The following GNL3L variants were observed in gnomAD, a reference collection of about 807,000 sequenced individuals.
GNL3L encodes G protein nucleolar 3 like.
A neutral mutation model predicts 42.9 loss-of-function variants in GNL3L; 4 were observed. The ratio of observed to expected loss-of-function variants is 0.09; its 90% CI spans 0.05 to 0.21. The LOEUF is 0.21. Ranked by LOEUF, GNL3L falls within the 10% of genes least tolerant of loss-of-function variation. The pLI is 1.00. For synonymous variants in GNL3L, 159 were observed against 176.3 expected, an observed-to-expected ratio of 0.90 and a Z score of 0.78; for missense variants, 412 against 481.7, an observed-to-expected ratio of 0.86 and a Z score of 1.36.
intron 16 of GNL3L, among the ~76,000 whole-genome samples, chrX:54,597,835 T>C (rs767841565): frequency 1.8e-5 from 2 of 110,877 alleles, no homozygotes; most frequent in Admixed American, 9.6e-5. Flanking sequence ...TAGGGTAGCA[T>C]TGAGTTCAAT....
the GNL3L span, among the ~76,000 whole-genome samples, chrX:54,640,250 A>AGAC: frequency 9.0e-5 from 10 of 111,559 alleles, no homozygotes; most frequent in Non-Finnish European, 1.3e-4. Context: ...CGGAAGGAAA[A>AGAC]GACTGAAAAA....
At chrX:54,541,705 G>A in intron 5 of GNL3L, among the ~76,000 whole-genome samples, 1 of 110,690 alleles carries the variant, frequency 9.0e-6, no homozygotes, top group African/African-American at 3.3e-5. Flanking sequence ...GGGGGAGAGG[G>A]AGCGAAAGTA....
intron 16 of GNL3L, among the ~76,000 whole-genome samples, chrX:54,591,965 A>G (rs1925877388): frequency 9.0e-6 from 1 of 111,725 alleles, no homozygotes; most frequent in Non-Finnish European, 1.9e-5. Context: ...ATATTTTTCA[A>G]TTTTTGGTGT....
intron 16 of GNL3L, among the ~76,000 whole-genome samples, chrX:54,575,778 C>T (rs1410653660): frequency 9.0e-6 from 1 of 111,177 alleles, no homozygotes; most frequent in Non-Finnish European, 1.9e-5. Context: ...GGCGTGGTGG[C>T]GCATGCCTGT....
chrX:54,538,968 C>T (rs1460247292), intron 2 of GNL3L, 72 bp from the exon 3 acceptor site: 2 of 621,484 alleles, frequency 3.2e-6, no homozygotes, highest in Non-Finnish European at 4.9e-6. Context: ...TGTGGCCTGG[C>T]CTTGATTCAG....
intron 7 of GNL3L, chrX:54,543,881 C>T (rs749281799): frequency 5.1e-5 from 9 of 177,011 alleles, no homozygotes; most frequent in Non-Finnish European, 9.4e-5. Flanking sequence ...GTCATTTGGC[C>T]CAACCTAGAA....
At chrX:54,568,553 CTTT>C (rs759337787), downstream of GNL3L, among the ~76,000 whole-genome samples, 7 of 99,979 alleles carry the variant, frequency 7.0e-5, no homozygotes. Flanking sequence ...TATGTAGTAT[CTTT>C]TTTTTTTTTT....
Position 54,560,648 on chromosome X carries a change from G to A in GNL3L, c.*46G>A, listed in dbSNP as rs190911542. The A allele has an allele frequency of 2.7e-5, 20 of 744,889 alleles. No individual in the cohort carries two copies. In the Admixed American group the frequency reaches 2.9e-4, roughly 11 times the overall value. The allele number at this position is 744,889 out of a possible 1,213,427, so 61.4% of individuals were successfully genotyped here. On this transcript the variant is annotated 3_prime_UTR_variant, in exon 16 of 16. Transcript: ENST00000360845. ...TCCGCTCCAAGCACCAGTTCCGGTG[G>A]TACGGGGGAATACCAGTGAAATAGT... is the stretch of plus-strand genomic sequence containing the variant.
intron 14 of GNL3L, among the ~76,000 whole-genome samples, chrX:54,555,633 ATTTTTTT>A (rs759334820): frequency 3.8e-4 from 25 of 66,379 alleles, no homozygotes; most frequent in South Asian, 2.0e-3. Flanking sequence ...ACCATGCCTA[ATTTTTTT>A]TTTTTTTTTT....
intron 12 of GNL3L, 126 bp from the exon 13 acceptor site, chrX:54,552,162 CTTGT>C: frequency 3.7e-6 from 3 of 819,054 alleles, no homozygotes; most frequent in Non-Finnish European, 5.4e-6. Flanking sequence ...TCAACTCCTT[CTTGT>C]TCAGAAGCCA....
At position 54,600,804 on chromosome X, in the gene GNL3L, G is replaced by C. The variant is rs149511464; in HGVS notation, c.*46-20041G>C. On this transcript the variant is annotated intron_variant, in intron 16 of 16. Transcript: ENST00000674498. ...AGCCATTTTAGAAAACAGTCTGGCA[G>C]TTCTCCAAAAAGAGGTACCATAAGT... Among the ~76,000 whole-genome samples the C allele has an allele frequency of 6.5e-3, 719 of 111,211 alleles. 6 individuals carry two copies. The highest frequency in any genetic ancestry group is 0.023 in the African/African-American group (699 of 30,629).
intron 13 of GNL3L, among the ~76,000 whole-genome samples, chrX:54,553,318 A>C (rs973901208): frequency 9.0e-6 from 1 of 111,646 alleles, no homozygotes; most frequent in African/African-American, 3.3e-5. Context: ...GAAGGTATCC[A>C]GTGCCTTCTG....
the GNL3L span, among the ~76,000 whole-genome samples, chrX:54,635,319 GTTAT>G: frequency 1.5e-3 from 166 of 111,091 alleles, no homozygotes; most frequent in African/African-American, 5.3e-3. Context: ...ATTTCCTTTA[GTTAT>G]TTGTTCATGT....
At chrX:54,571,485 C>CACT (rs918751775), downstream of GNL3L, among the ~76,000 whole-genome samples, 5 of 106,409 alleles carry the variant, frequency 4.7e-5, no homozygotes, top group African/African-American at 1.4e-4. Flanking sequence ...AGGTGTGAGC[C>CACT]ACTGCGCCCG....
chrX:54,601,486 C>G (rs1926004675), intron 16 of GNL3L, among the ~76,000 whole-genome samples: 1 of 111,790 alleles, frequency 8.9e-6, no homozygotes, highest in African/African-American at 3.3e-5. Context: ...GCCTTCTTAT[C>G]TTTGTTTTAT....
At chrX:54,554,081 C>T (rs781451512) in intron 13 of GNL3L, among the ~76,000 whole-genome samples, 1 of 110,504 alleles carries the variant, frequency 9.0e-6, no homozygotes, top group East Asian at 2.9e-4. Flanking sequence ...GATTAGAAGG[C>T]CGAGGGTAGG....
intron 16 of GNL3L, among the ~76,000 whole-genome samples, chrX:54,616,218 C>A (rs1926218713): frequency 8.8e-6 from 1 of 113,130 alleles, no homozygotes; most frequent in Non-Finnish European, 1.9e-5. Context: ...CACAAGCAGG[C>A]TACAGAAAGG....
At position 54,562,794 on chromosome X, in the gene GNL3L, GA is replaced by G. The variant is rs375010796; in HGVS notation, c.*2207del. On this transcript the variant is annotated 3_prime_UTR_variant, in exon 16 of 16. Coordinates refer to ENST00000360845, the MANE Select transcript of GNL3L (RefSeq NM_001184819.2). ...GGGGACAGAGTGAGACTTCGTCTCGGAAAAAAAAAAAAAAAGTTGACAGGAT... is the reference window on the plus strand; with the variant it reads ...GGGGACAGAGTGAGACTTCGTCTCGGAAAAAAAAAAAAAAGTTGACAGGAT... Among the ~76,000 whole-genome samples, 210 of 94,267 alleles carry G rather than the reference GA, an allele frequency of 2.2e-3. No homozygotes were observed. Among genetic ancestry groups the G allele is most frequent in the Middle Eastern group, 5.2e-3 (1 of 193 alleles). 81.9% of individuals were successfully genotyped at this position (94,267 alleles called of 115,157 possible).
chrX:54,551,453 C>A, intron 10 of GNL3L, 115 bp from the exon 11 acceptor site: 2 of 562,927 alleles, frequency 3.6e-6, no homozygotes, highest in African/African-American at 2.3e-5. Flanking sequence ...TCTCCACCTT[C>A]GTCTCTAATG....
Sources: gnomAD v4.1 joint callset for allele counts (sites outside exome capture counted in the v4.1 genomes callset) on GRCh38, gnomAD v4.1.1 for gene constraint, MANE v1.5 for transcripts, NCBI Gene and HGNC (gene_info 2026-07-23, HGNC 2026-07-21) for gene names.